Variants in MLLT1 observed in about 807,000 individuals in gnomAD.
MLLT1 encodes the protein protein ENL.
Under a neutral mutation model 55.1 loss-of-function variants are expected in MLLT1, and 11 were observed. The observed-to-expected ratio is 0.20, with a 90% CI of 0.13 to 0.33. The LOEUF is 0.33. MLLT1 is among the 10% of genes least tolerant of loss of function. The pLI, the probability that MLLT1 is intolerant of heterozygous loss-of-function variation, is 1.00. For missense variants in MLLT1, 536 were observed against 760.6 expected (o/e 0.70, Z 3.47); for synonymous variants, 323 against 320.1 (o/e 1.01, Z -0.10).
rs1364827070 is a variant in MLLT1 at position 6,222,411 on chromosome 19, G to GTGGGGC, written c.819_820insGCCCCA (p.Pro273_Pro274insAlaPro). ...GCCCGGGGTGGGGGTGGGGGTGGGG[G>GTGGGGC]TGGGGGCCCACCCTTGGGGGACGTG... On this transcript the variant is annotated inframe_insertion, in exon 6 of 12. Transcript: ENST00000252674. This position sits in a 1 kb window ranked among gnomAD's most constrained non-coding sequence, Gnocchi z 4.1. The GTGGGGC allele has an allele frequency of 2.1e-6, 1 of 480,800 alleles. No individual in the cohort carries two copies. Among genetic ancestry groups the GTGGGGC allele is most frequent in the South Asian group, 1.9e-5 (1 of 51,430 alleles). 29.8% of individuals were successfully genotyped at this position (480,800 alleles called of 1,614,324 possible).
chr19:6,254,080 C>T (rs2091239608), intron 3 of MLLT1, among the ~76,000 whole-genome samples: 1 of 152,112 alleles, frequency 6.6e-6, no homozygotes, highest in Non-Finnish European at 1.5e-5. Context: ...GGGCTGGTTG[C>T]CAGGGGAACC....
rs184703780 is a variant in MLLT1 at position 6,270,196 on chromosome 19, T to C, written c.193+383A>G. Among the ~76,000 whole-genome samples, 62 of 142,184 alleles carry C rather than the reference T, an allele frequency of 4.4e-4. No individual in the cohort carries two copies. The highest frequency in any genetic ancestry group is 1.6e-3 in the African/African-American group (62 of 38,570). The allele number at this position is 142,184 out of a possible 152,430, so 93.3% of individuals were successfully genotyped here. ...GACAGTGGTGACATGAGCTCCGGCA[T>C]TCTTTCTGCCCCAAATATTGGGAAT... On this transcript the variant is annotated intron_variant, in intron 2 of 11. Coordinates refer to ENST00000252674, the MANE Select transcript of MLLT1 (RefSeq NM_005934.4). The surrounding 1 kb of genome is among the most constrained non-coding windows in gnomAD (Gnocchi z 7.1).
intron 9 of MLLT1, 26 bp downstream of exon 9, chr19:6,213,913 C>T: frequency 6.8e-7 from 1 of 1,472,396 alleles, no homozygotes; most frequent in Non-Finnish European, 9.1e-7. Context: ...TCTGGTGCAC[C>T]CCCTGCCTGC....
intron 7 of MLLT1, chr19:6,217,014 C>CACGGTTCCAGTCCCCTACAG (rs2090851414): frequency 6.3e-6 from 1 of 158,874 alleles, no homozygotes; most frequent in African/African-American, 2.4e-5. Context: ...TCCAGAGGCA[C>CACGGTTCCAGTCCCCTACAG]ACGGTTCCAG....
At chr19:6,252,549 A>G (rs1330995817) in intron 3 of MLLT1, among the ~76,000 whole-genome samples, 1 of 152,258 alleles carries the variant, frequency 6.6e-6, no homozygotes, top group Non-Finnish European at 1.5e-5. Flanking sequence ...AAAACAAAAC[A>G]CAATATATCG....
intron 6 of MLLT1, among the ~76,000 whole-genome samples, chr19:6,220,801 A>G (rs2090890067): frequency 1.3e-5 from 2 of 152,192 alleles, no homozygotes; most frequent in Admixed American, 6.5e-5. Flanking sequence ...ACAGGCAGAG[A>G]AGGGGTCAGG....
intron 2 of MLLT1, among the ~76,000 whole-genome samples, chr19:6,265,479 T>C (rs1457382129): frequency 6.6e-6 from 1 of 152,148 alleles, no homozygotes; most frequent in Non-Finnish European, 1.5e-5. Context: ...AAGACCAGCC[T>C]GACCAACATG....
chr19:6,269,023 G>C (rs1261581659), intron 2 of MLLT1, among the ~76,000 whole-genome samples: 1 of 152,190 alleles, frequency 6.6e-6, no homozygotes, highest in African/African-American at 2.4e-5. Context: ...AGAGAAAAGG[G>C]GAGGGGTGAG....
At chr19:6,247,344 G>C (rs1212801488) in intron 3 of MLLT1, among the ~76,000 whole-genome samples, 5 of 152,174 alleles carry the variant, frequency 3.3e-5, no homozygotes, top group African/African-American at 1.2e-4. Context: ...GAAGATTCTA[G>C]GGCTGGGGCA....
rs561125833 is a variant in MLLT1 at position 6,224,900 on chromosome 19, T to C, written c.546+2077A>G. Among the ~76,000 whole-genome samples the C allele has an allele frequency of 3.3e-5, 5 of 152,244 alleles. 1 individual carries two copies. The highest frequency in any genetic ancestry group is 1.2e-4 in the African/African-American group (5 of 41,532). ...GCCCGCCACCACGCCCGGCTAACTT[T>C]TTGTATTTTTAGTAGAGACGGGGTT... is the stretch of plus-strand genomic sequence containing the variant. On this transcript the variant is annotated intron_variant, in intron 5 of 11. Coordinates refer to ENST00000252674, the MANE Select transcript of MLLT1 (RefSeq NM_005934.4).
Position 6,279,931 on chromosome 19 carries a change from C to T in MLLT1, c.-147G>A. 6.0e-6 allele frequency: 1 copy of T among 166,140 alleles called. No homozygotes were observed. The highest frequency in any genetic ancestry group is 1.2e-5 in the Non-Finnish European group (1 of 80,704). 10.3% of individuals were successfully genotyped at this position (166,140 alleles called of 1,614,324 possible). On this transcript the variant is annotated 5_prime_UTR_variant, in exon 1 of 12. Transcript: ENST00000252674. ...CGCCGATCCCGGCCGCCCGCTCGCCCGCCAGCCCCGCGGAACCGGAAACCA... is the reference window on the plus strand; with the variant it reads ...CGCCGATCCCGGCCGCCCGCTCGCCTGCCAGCCCCGCGGAACCGGAAACCA...
rs569410347 is a variant in MLLT1 at position 6,279,937 on chromosome 19, C to G, written c.-153G>C. 2.3e-3 allele frequency: 379 copies of G among 166,134 alleles called. 1 individual carries two copies. Among genetic ancestry groups the G allele is most frequent in the African/African-American group, 8.9e-3 (367 of 41,460 alleles). The allele number at this position is 166,134 out of a possible 1,614,324, so 10.3% of individuals were successfully genotyped here. A position where few individuals can be genotyped will look rare whatever the true frequency, so the allele number is the denominator to read the frequency against. ...TCCCGGCCGCCCGCTCGCCCGCCAG[C>G]CCCGCGGAACCGGAAACCACCGCCA... is the stretch of plus-strand genomic sequence containing the variant. On this transcript the variant is annotated 5_prime_UTR_variant, in exon 1 of 12. Transcript: ENST00000252674.
intron 4 of MLLT1, among the ~76,000 whole-genome samples, chr19:6,228,185 C>T (rs2090972396): frequency 6.6e-6 from 1 of 152,222 alleles, no homozygotes; most frequent in Admixed American, 6.5e-5. Flanking sequence ...AGGCCCTCCA[C>T]ACTCTGGAGC....
chr19:6,220,243 G>A (rs2090884402), intron 6 of MLLT1, among the ~76,000 whole-genome samples: 1 of 152,254 alleles, frequency 6.6e-6, no homozygotes, highest in African/African-American at 2.4e-5. Flanking sequence ...AAGCCAAGGG[G>A]CCAGTGGTCT....
chr19:6,213,748 A>C lies in MLLT1; in HGVS notation c.1457T>G (p.Leu486Arg). The change falls in exon 10 of 12, where the codon CTC becomes CGC. Residue 486 changes from leucine (L) to arginine (R), a missense_variant. Physicochemically the swap from Leu to Arg is moderately radical, Grantham distance 102. This residue lies in a region of MLLT1 where 449 missense variants were observed against 489.0 expected (regional missense o/e 0.92). Coordinates refer to ENST00000252674, the MANE Select transcript of MLLT1 (RefSeq NM_005934.4). ...PESCSKPEKI[L>R]KKGTYDKAYT... is the part of the protein sequence containing the mutation. ...CACCTTGTCGTAGGTGCCCTTCTTG[A>C]GGATCTTCTCAGGCTTGCTGCAGGA... is the stretch of plus-strand genomic sequence containing the variant. 2 of 1,550,148 alleles carry C rather than the reference A, an allele frequency of 1.3e-6. No individual in the cohort carries two copies. The highest frequency in any genetic ancestry group is 1.7e-6 in the Non-Finnish European group (2 of 1,148,382).
chr19:6,212,900 A>C lies in MLLT1; in HGVS notation c.*142T>G. On this transcript the variant is annotated 3_prime_UTR_variant, in exon 12 of 12. Coordinates refer to ENST00000252674, the MANE Select transcript of MLLT1 (RefSeq NM_005934.4). ...AGAGTGGGCAGGGAGCCGCCGAGGA[A>C]AGTGCAGCGGGCTGTGCGGGCGAGG... 8.8e-7 allele frequency: 1 copy of C among 1,139,512 alleles called. No individual in the cohort carries two copies. The highest frequency in any genetic ancestry group is 1.2e-6 in the Non-Finnish European group (1 of 827,654). The allele number at this position is 1,139,512 out of a possible 1,614,324, so 70.6% of individuals were successfully genotyped here.
intron 8 of MLLT1, 77 bp downstream of exon 8, chr19:6,216,328 C>A (rs545169735): frequency 9.4e-7 from 1 of 1,068,308 alleles, no homozygotes; most frequent in South Asian, 1.4e-5. Context: ...CCACCTGCAG[C>A]CCCACAATCA....
intron 3 of MLLT1, among the ~76,000 whole-genome samples, chr19:6,250,088 C>T (rs1035059685): frequency 2.6e-5 from 4 of 151,844 alleles, no homozygotes; most frequent in African/African-American, 7.3e-5. Flanking sequence ...AAATCAAATA[C>T]GGGCAAAGAG....
intron 2 of MLLT1, among the ~76,000 whole-genome samples, chr19:6,263,647 CG>C (rs1265949134): frequency 1.1e-4 from 16 of 152,160 alleles, no homozygotes; most frequent in African/African-American, 3.9e-4. Context: ...GGAGACGCAC[CG>C]GCCCACTCTC....
Sources: allele counts gnomAD v4.1 joint callset (sites outside exome capture counted in the v4.1 genomes callset), GRCh38; gene constraint gnomAD v4.1.1; regional missense constraint gnomAD v4.1.1; non-coding constraint Gnocchi (gnomAD v3.1); transcripts MANE v1.5; gene names NCBI Gene and HGNC (gene_info 2026-07-23, HGNC 2026-07-21).